Variants in NRXN3 observed in about 807,000 individuals in gnomAD.
NRXN3 encodes neurexin 3, also known as neurexin III.
A neutral mutation model predicts 137.6 loss-of-function variants in NRXN3; 32 were observed. The observed-to-expected ratio is 0.23, with a 90% confidence interval of 0.18 to 0.31. NRXN3 has a LOEUF of 0.31. Ranked by LOEUF, NRXN3 falls within the 10% of genes least tolerant of loss-of-function variation. The pLI is 1.00. For missense variants in NRXN3, 1,574 were observed against 2,062.5 expected (o/e 0.76, Z 4.59); for synonymous variants, 798 against 784.5 (o/e 1.02, Z -0.29).
At chr14:79,318,961 C>T (rs78690006) in intron 15 of NRXN3, among the ~76,000 whole-genome samples, 1 of 152,136 alleles carries the variant, frequency 6.6e-6, no homozygotes, top group Non-Finnish European at 1.5e-5. Flanking sequence ...TATTTCTATG[C>T]ACTCACTTTG....
intron 19 of NRXN3, among the ~76,000 whole-genome samples, chr14:79,748,692 T>A (rs753968788): frequency 1.3e-5 from 2 of 152,096 alleles, no homozygotes; most frequent in African/African-American, 2.4e-5. Context: ...TACTCATTTT[T>A]AAAAAAATTT....
At chr14:78,717,021 A>G (rs2098437174) in intron 8 of NRXN3, among the ~76,000 whole-genome samples, 1 of 152,128 alleles carries the variant, frequency 6.6e-6, no homozygotes. Context: ...GAAGATAGAA[A>G]GGTCATTTTT....
chr14:78,892,774 CTGTGTG>C (rs58718552), intron 10 of NRXN3, among the ~76,000 whole-genome samples: 18 of 140,142 alleles, frequency 1.3e-4, no homozygotes, highest in East Asian at 6.4e-4. Context: ...CCCCCATCTT[CTGTGTG>C]TGTGTGTGTG....
intron 15 of NRXN3, among the ~76,000 whole-genome samples, chr14:79,205,418 A>G (rs1257030782): frequency 6.6e-6 from 1 of 152,196 alleles, no homozygotes; most frequent in Non-Finnish European, 1.5e-5. Flanking sequence ...GTGCATCATA[A>G]GTAGAGCAAT....
intron 16 of NRXN3, among the ~76,000 whole-genome samples, chr14:79,590,165 T>C (rs2097791239): frequency 6.6e-6 from 1 of 152,066 alleles, no homozygotes; most frequent in African/African-American, 2.4e-5. Flanking sequence ...AATTCCCACA[T>C]GTCGTGGGAG....
At chr14:79,633,684 C>T (rs536666713) in intron 16 of NRXN3, among the ~76,000 whole-genome samples, 11 of 152,262 alleles carry the variant, frequency 7.2e-5, no homozygotes, top group Non-Finnish European at 1.2e-4. Context: ...ATATTTTAAA[C>T]GAGACACATA....
At chr14:78,711,167 G>A (rs1322689948) in intron 7 of NRXN3, among the ~76,000 whole-genome samples, 3 of 152,040 alleles carry the variant, frequency 2.0e-5, no homozygotes, top group East Asian at 1.9e-4. Context: ...GGTCACGGTG[G>A]ACGGGTTTTG....
At chr14:79,059,486 T>A (rs1393927959) in intron 15 of NRXN3, among the ~76,000 whole-genome samples, 3 of 152,116 alleles carry the variant, frequency 2.0e-5, no homozygotes, top group Non-Finnish European at 4.4e-5. Flanking sequence ...CTCGATCTCC[T>A]GACCTCGTGA....
At chr14:78,300,706 ATTTT>A in intron 4 of NRXN3, 1 of 1,502,112 alleles carries the variant, frequency 6.7e-7, no homozygotes, top group South Asian at 1.2e-5. Flanking sequence ...AGCTCACTTT[ATTTT>A]TATCATTATA....
chr14:79,727,427 C>T (rs185743956), intron 19 of NRXN3, among the ~76,000 whole-genome samples: 16 of 152,290 alleles, frequency 1.1e-4, no homozygotes, highest in Admixed American at 7.9e-4. Context: ...CCCAGTGGTT[C>T]GTTGCCCCTT....
chr14:79,384,672 G>T (rs1273993703), intron 15 of NRXN3, among the ~76,000 whole-genome samples: 1 of 152,064 alleles, frequency 6.6e-6, no homozygotes, highest in Non-Finnish European at 1.5e-5. Context: ...AGGTGTTTAG[G>T]ACCTGAGAGA....
chr14:78,255,571 T>C (rs17107206), intron 2 of NRXN3, among the ~76,000 whole-genome samples: 6,553 of 152,338 alleles, frequency 0.043, 426 homozygotes, highest in African/African-American at 0.15. Flanking sequence ...CTATCCTTAA[T>C]GCAAGTTGCG....
rs954363621 is a variant in NRXN3, at chr14:79,273,565, C to T, written c.3263-193656C>T. 8.6e-5 allele frequency among the ~76,000 whole-genome samples: 13 copies of T among 152,008 alleles called. No homozygotes were observed. In the East Asian group the frequency reaches 2.1e-3, roughly 25 times the overall value. On this transcript the variant is annotated intron_variant, in intron 15 of 20. Coordinates refer to ENST00000335750, the MANE Select transcript of NRXN3 (RefSeq NM_001330195.2). ...AGGAGAATGGCATGAACCCAGGAGGCGCAGCTTGCAGTGAGCCAAGATCGC... is the reference window on the plus strand; with the variant it reads ...AGGAGAATGGCATGAACCCAGGAGGTGCAGCTTGCAGTGAGCCAAGATCGC...
chr14:78,399,500 C>T (rs1039784441), intron 4 of NRXN3, among the ~76,000 whole-genome samples: 3 of 152,170 alleles, frequency 2.0e-5, no homozygotes, highest in Admixed American at 2.0e-4. Flanking sequence ...GGGAGCTGTC[C>T]AGGGTGCTGG....
At chr14:78,790,596 A>G (rs1261008956) in intron 8 of NRXN3, among the ~76,000 whole-genome samples, 1 of 152,216 alleles carries the variant, frequency 6.6e-6, no homozygotes, top group Non-Finnish European at 1.5e-5. Flanking sequence ...GTGGAGGGAA[A>G]GCAATCTGGG....
chr14:79,696,878 G>C (rs1470326800), intron 18 of NRXN3, among the ~76,000 whole-genome samples: 2 of 151,784 alleles, frequency 1.3e-5, no homozygotes, highest in African/African-American at 4.8e-5. Flanking sequence ...ACTTCCCCAG[G>C]ACTGGAGCAT....
intron 1 of NRXN3, among the ~76,000 whole-genome samples, chr14:78,203,836 GTGGTT>G (rs2061919505): frequency 1.3e-5 from 1 of 78,210 alleles, no homozygotes; most frequent in Admixed American, 1.3e-4. Flanking sequence ...GTGTGTGTGT[GTGGTT>G]TGTGTGTGTG....
chr14:78,929,742 G>C (rs2099316425), intron 10 of NRXN3, among the ~76,000 whole-genome samples: 2 of 152,084 alleles, frequency 1.3e-5, no homozygotes, highest in Admixed American at 1.3e-4. Flanking sequence ...ATGGTATTCA[G>C]ACAAGCAAAT....
intron 15 of NRXN3, among the ~76,000 whole-genome samples, chr14:79,193,986 T>C (rs2064789245): frequency 6.6e-6 from 1 of 152,244 alleles, no homozygotes. Flanking sequence ...AAATAACTAT[T>C]TGAAACTTGA....
Sources: allele counts gnomAD v4.1 joint callset (sites outside exome capture counted in the v4.1 genomes callset), GRCh38; gene constraint gnomAD v4.1.1; transcripts MANE v1.5; gene names NCBI Gene and HGNC (gene_info 2026-07-23, HGNC 2026-07-21).